Variants in MORN1 observed in about 807,000 individuals in gnomAD.
MORN1 encodes the protein MORN repeat-containing protein 1.
In MORN1, 67 loss-of-function variants were observed where a neutral mutation model predicts 61.9. The ratio of observed to expected loss-of-function variants is 1.08; its 90% CI spans 0.89 to 1.33. The LOEUF (loss-of-function observed/expected upper bound fraction) is 1.33, where lower values mean the gene tolerates loss of function less well. Among genes scored for constraint, MORN1 ranks in the 40% most tolerant of loss-of-function variants. MORN1 has a pLI of 0.00. For synonymous variants in MORN1, 301 were observed against 292.0 expected, an observed-to-expected ratio of 1.03 and a Z score of -0.31; for missense variants, 752 against 691.2, an observed-to-expected ratio of 1.09 and a Z score of -0.99.
At chr1:2,388,765 A>G (rs1263590523) in intron 2 of MORN1, among the ~76,000 whole-genome samples, 3 of 129,782 alleles carry the variant, frequency 2.3e-5, no homozygotes, top group African/African-American at 8.6e-5. Flanking sequence ...GCGACAGAGC[A>G]AGACTGTCTC....
At chr1:2,322,726 C>G (rs961446714) in intron 13 of MORN1, 2 of 985,460 alleles carry the variant, frequency 2.0e-6, no homozygotes, top group South Asian at 9.4e-5. Flanking sequence ...TCTAGGTGTT[C>G]CCAGGAATCC....
Position 2,374,554 on chromosome 1 carries a change from G to A in MORN1, c.541C>T (p.Gln181Ter). The A allele has an allele frequency of 1.3e-6, 2 of 1,587,438 alleles. No individual in the cohort carries two copies. The highest frequency in any genetic ancestry group is 2.3e-5 in the South Asian group (2 of 86,562). Residue 181 changes from glutamine to a stop codon, truncating the protein, a stop_gained, in exon 7 of 14, where the codon CAG becomes TAG. Transcript: ENST00000378531. LOFTEE classifies it high-confidence loss of function. ...CCACTGAAGACGTCGCTGTGCCACTGTCCCTGCAGAGAGAAGGGTGAGGCT... is the reference window on the plus strand; with the variant it reads ...CCACTGAAGACGTCGCTGTGCCACTATCCCTGCAGAGAGAAGGGTGAGGCT... The part of the protein sequence containing the change: ...RCADGSTYKG[Q>*]WHSDVFSGLG...
chr1:2,321,606 C>T, intron 13 of MORN1, 27 bp from the exon 14 acceptor site: 3 of 1,455,448 alleles, frequency 2.1e-6, no homozygotes, highest in Non-Finnish European at 2.7e-6. Context: ...GGCTGGTCCT[C>T]AGCAGGCTCC....
intron 4 of MORN1, chr1:2,386,245 G>C (rs965759824): frequency 1.4e-5 from 4 of 294,836 alleles, no homozygotes; most frequent in African/African-American, 2.1e-5. Context: ...GCTGGGGTGA[G>C]GATGGGTGCA....
At chr1:2,349,128 C>G (rs377338290) in intron 10 of MORN1, among the ~76,000 whole-genome samples, 34 of 152,312 alleles carry the variant, frequency 2.2e-4, no homozygotes, top group African/African-American at 7.9e-4. Context: ...TCGGAGACCC[C>G]GCTGGCCACC....
In MORN1 at chr1:2,357,024, C is replaced by T. The variant is rs897129320; in HGVS notation, c.1036+408G>A. On this transcript the variant is annotated intron_variant, in intron 10 of 13. Transcript: ENST00000378531. This position sits in a 1 kb window ranked among gnomAD's most constrained non-coding sequence, Gnocchi z 6.3. ...GAAACCCTGACCTCGAGAGAGCAGT[C>T]GGCGCCGCGGCCCCCAGAGCCATGG... 1.2e-4 allele frequency among the ~76,000 whole-genome samples: 18 copies of T among 152,156 alleles called. No individual in the cohort carries two copies. The highest frequency in any genetic ancestry group is 2.1e-4 in the South Asian group (1 of 4,836).
chr1:2,363,591 T>G (rs7530501), intron 8 of MORN1: 24,324 of 151,472 alleles, frequency 0.16, 2,367 homozygotes, highest in East Asian at 0.4. Context: ...ACCTCATCTC[T>G]AAAAGAAAAA....
intron 12 of MORN1, among the ~76,000 whole-genome samples, chr1:2,327,705 G>A (rs375457936): frequency 9.8e-5 from 15 of 152,364 alleles, no homozygotes; most frequent in African/African-American, 3.1e-4. Flanking sequence ...GGAGGGCCAC[G>A]AGGAGGGGCA....
intron 7 of MORN1, among the ~76,000 whole-genome samples, chr1:2,374,015 T>C (rs1476443263): frequency 1.3e-5 from 2 of 152,106 alleles, no homozygotes; most frequent in African/African-American, 4.8e-5. Context: ...ACCCCTGGGG[T>C]GGCACCCTCA....
intron 10 of MORN1, among the ~76,000 whole-genome samples, chr1:2,339,297 G>A (rs540219543): frequency 1.3e-5 from 2 of 152,262 alleles, no homozygotes; most frequent in Admixed American, 6.5e-5. Flanking sequence ...TCTTACCGCC[G>A]CATGGCACGG....
At chr1:2,327,255 GAAAC>G (rs1271529775) in intron 12 of MORN1, among the ~76,000 whole-genome samples, 13 of 113,920 alleles carry the variant, frequency 1.1e-4, no homozygotes, top group African/African-American at 4.5e-4. Context: ...GAAACACACA[GAAAC>G]ACAGAAACAA....
chr1:2,322,735 C>G (rs1569896187), intron 13 of MORN1: 4 of 985,478 alleles, frequency 4.1e-6, no homozygotes, highest in Non-Finnish European at 4.8e-6. Context: ...TCCCAGGAAT[C>G]CAGCTATACC....
At chr1:2,330,884 G>A (rs1166199402) in intron 12 of MORN1, among the ~76,000 whole-genome samples, 2 of 152,240 alleles carry the variant, frequency 1.3e-5, no homozygotes, top group Non-Finnish European at 2.9e-5. Context: ...GCTGGGCAAA[G>A]TCATGGCCAC....
intron 2 of MORN1, among the ~76,000 whole-genome samples, chr1:2,388,962 A>C (rs1210777311): frequency 6.6e-6 from 1 of 151,776 alleles, no homozygotes; most frequent in Admixed American, 6.6e-5. Flanking sequence ...AAATACAAAA[A>C]TTAGCTGGGC....
chr1:2,390,707 G>T (rs191333353), intron 1 of MORN1: 24 of 985,126 alleles, frequency 2.4e-5, no homozygotes, highest in Non-Finnish European at 4.8e-6. Context: ...GTTCATTCCA[G>T]ACCCGTTTAT....
chr1:2,387,262 T>G (rs890069840), intron 4 of MORN1, 157 bp downstream of exon 4: 2 of 660,728 alleles, frequency 3.0e-6, no homozygotes, highest in Non-Finnish European at 5.4e-6. Flanking sequence ...GGACATGGCC[T>G]GGTGGTGCGG....
In MORN1 at chr1:2,357,401, C is replaced by T. The variant is rs767388711; in HGVS notation, c.1036+31G>A. 14 of 1,557,490 alleles carry T rather than the reference C, an allele frequency of 9.0e-6. No individual in the cohort carries two copies. Among genetic ancestry groups the T allele is most frequent in the African/African-American group, 1.4e-5 (1 of 73,336 alleles). On this transcript the variant is annotated intron_variant, in intron 10 of 13. Transcript: ENST00000378531. This position sits in a 1 kb window ranked among gnomAD's most constrained non-coding sequence, Gnocchi z 6.3. ...CTTGACTGCTGGGCCTGGGCCCACCCACCCCCAACTGGTTTGTGAGCTCCA... is the reference window on the plus strand; with the variant it reads ...CTTGACTGCTGGGCCTGGGCCCACCTACCCCCAACTGGTTTGTGAGCTCCA...
At chr1:2,325,138 CCCTCCCTCCCTTCCTTCCCTCCCTT>C (rs1557865222) in intron 12 of MORN1, among the ~76,000 whole-genome samples, 2 of 55,658 alleles carry the variant, frequency 3.6e-5, no homozygotes, top group African/African-American at 1.5e-4. Flanking sequence ...TTCCTTCCCT[CCCTCCCTCCCTTCCTTCCCTCCCTT>C]CCTTCCTTTC....
Position 2,388,273 on chromosome 1 carries a change from G to T in MORN1, c.213C>A (p.Ile71=). The T allele has an allele frequency of 6.2e-7, 1 of 1,613,894 alleles. No individual in the cohort carries two copies. ...YYEGAFVDGE[I]TGEGRRHWAW... is the part of the protein sequence containing the mutation. ...CCCAGTGCCGGCGGCCTTCTCCCGT[G>T]ATCTCTCCGTCCACAAACGCCCCTT... Residue 71 remains isoleucine (I), a synonymous_variant, in exon 3 of 14, where the codon ATC becomes ATA. Transcript: ENST00000378531.
Sources: allele counts gnomAD v4.1 joint callset (sites outside exome capture counted in the v4.1 genomes callset), GRCh38; gene constraint gnomAD v4.1.1; non-coding constraint Gnocchi (gnomAD v3.1); transcripts MANE v1.5; gene names NCBI Gene and HGNC (gene_info 2026-07-23, HGNC 2026-07-21).